Variants in ATP7A observed in about 807,000 individuals in gnomAD.
The protein encoded by ATP7A is copper-transporting ATPase 1.
ATP7A carries 7 observed loss-of-function variants against 83.5 expected under a neutral mutation model. That is an observed-to-expected ratio of 0.08 (90% CI 0.05 to 0.16). The LOEUF (loss-of-function observed/expected upper bound fraction) is 0.16, where lower values mean the gene tolerates loss of function less well. ATP7A is among the 10% of genes least tolerant of loss of function. ATP7A has a pLI of 1.00. For missense variants in ATP7A, 940 were observed against 1,120.8 expected (o/e 0.84, Z 2.30); for synonymous variants, 354 against 395.2 (o/e 0.90, Z 1.24).
At chrX:78,007,674 T>G (rs1557233895) in intron 6 of ATP7A, among the ~76,000 whole-genome samples, 2 of 112,532 alleles carry the variant, frequency 1.8e-5, no homozygotes, top group Non-Finnish European at 3.8e-5. Context: ...TACTGAGTTG[T>G]AAGAATTCTT....
chrX:77,938,500 A>G (rs1362598349), intron 1 of ATP7A, among the ~76,000 whole-genome samples: 1 of 112,476 alleles, frequency 8.9e-6, no homozygotes, highest in Non-Finnish European at 1.9e-5. Context: ...CTTCATAACC[A>G]TCAGATGCCA....
chrX:77,950,482 C>A (rs1195132253), intron 1 of ATP7A, among the ~76,000 whole-genome samples: 2 of 111,338 alleles, frequency 1.8e-5, no homozygotes, highest in Non-Finnish European at 3.8e-5. Flanking sequence ...AGATCGTTTC[C>A]AGTTTTGTTC....
At chrX:77,978,623 A>G (rs903408213) in intron 2 of ATP7A, among the ~76,000 whole-genome samples, 13 of 111,496 alleles carry the variant, frequency 1.2e-4, no homozygotes, top group Admixed American at 5.7e-4. Flanking sequence ...AAAAATTTTT[A>G]TCTAGAGAAA....
chrX:77,921,005 A>G (rs1262708011), intron 1 of ATP7A, among the ~76,000 whole-genome samples: 1 of 112,215 alleles, frequency 8.9e-6, no homozygotes. Flanking sequence ...TATTTTACCT[A>G]GCATAATGTC....
chrX:77,944,595 A>T (rs1421524376), intron 1 of ATP7A, among the ~76,000 whole-genome samples: 1 of 109,500 alleles, frequency 9.1e-6, no homozygotes, highest in Non-Finnish European at 1.9e-5. Flanking sequence ...CCACGCTCAG[A>T]TAATTTTTTT....
At chrX:78,016,176 G>A (rs1342455728) in intron 12 of ATP7A, among the ~76,000 whole-genome samples, 1 of 111,218 alleles carries the variant, frequency 9.0e-6, no homozygotes, top group Non-Finnish European at 1.9e-5. Flanking sequence ...TAATCATGGT[G>A]GAGGAGAAGG....
rs2078062636 is a variant in ATP7A at position 78,043,424 on chromosome X, C to T, written c.4113C>T (p.Pro1371=). ...TAATTTATAATCTGGTTGGAATTCCCATAGCTGCTGGTATGTGACTCTTAA... is the reference window on the plus strand; with the variant it reads ...TAATTTATAATCTGGTTGGAATTCCTATAGCTGCTGGTATGTGACTCTTAA... The part of the protein sequence containing the change: ...FALIYNLVGI[P]IAAGVFMPIG... The change falls in exon 21 of 23, where the codon CCC becomes CCT. Residue 1371 remains proline (P), a synonymous_variant. Coordinates refer to ENST00000341514, the MANE Select transcript of ATP7A (RefSeq NM_000052.7). 8.3e-7 allele frequency: 1 copy of T among 1,198,145 alleles called. No individual in the cohort carries two copies. Among genetic ancestry groups the T allele is most frequent in the Non-Finnish European group, 1.1e-6 (1 of 883,575 alleles).
rs1557231745 is a variant in ATP7A at position 77,989,287 on chromosome X, T to G, written c.665T>G (p.Val222Gly). ...GTTTATCAACCTCATCTTATCTCAG[T>G]AGAGGAAATGAAAAAGCAGATTGAA... ...TIVYQPHLISVEEMKKQIEAM... is the reference protein window; with the variant it reads ...TIVYQPHLISGEEMKKQIEAM... Residue 222 changes from valine (V) to glycine (G), a missense_variant, in exon 4 of 23, where the codon GTA becomes GGA. By Grantham distance (109) the Val-to-Gly change is moderately radical (BLOSUM62 -3). This residue lies in a region of ATP7A where 350 missense variants were observed against 432.8 expected (regional missense o/e 0.81). Transcript: ENST00000341514. 1 of 1,208,267 alleles carries G rather than the reference T, an allele frequency of 8.3e-7. No homozygotes were observed. Among genetic ancestry groups the G allele is most frequent in the East Asian group, 3.0e-5 (1 of 33,771 alleles).
At chrX:77,999,907 C>CAAA (rs781857498) in intron 5 of ATP7A, among the ~76,000 whole-genome samples, 4 of 44,653 alleles carry the variant, frequency 9.0e-5, no homozygotes, top group East Asian at 8.1e-4. Context: ...GACTCCATCT[C>CAAA]AAAAAAAAAA....
intron 1 of ATP7A, among the ~76,000 whole-genome samples, chrX:77,943,094 G>A (rs782042196): frequency 1.8e-5 from 2 of 112,246 alleles, no homozygotes; most frequent in East Asian, 5.6e-4. Context: ...TGGGATTACA[G>A]GCATGAGTCA....
At position 77,989,464 on chromosome X, in the gene ATP7A, T is replaced by C; in HGVS notation, c.842T>C (p.Phe281Ser). 2 of 1,211,923 alleles carry C rather than the reference T, an allele frequency of 1.7e-6. No individual in the cohort carries two copies. The highest frequency in any genetic ancestry group is 2.2e-6 in the Non-Finnish European group (2 of 895,436). Reference sequence around the variant, plus strand: ...TATACCAATGATTCAACAGCCACTTTCATCATTGATGGCATGCATTGTAAA... The same window carrying C: ...TATACCAATGATTCAACAGCCACTTCCATCATTGATGGCATGCATTGTAAA... ...PSYTNDSTAT[F>S]IIDGMHCKSC... The change falls in exon 4 of 23, where the codon TTC (phenylalanine) becomes TCC (serine). Residue 281 changes from phenylalanine (F) to serine (S), a missense_variant. Phe to Ser is a radical substitution (Grantham distance 155). Around this residue, in one of 3 missense-constraint regions of ATP7A, gnomAD observed 350 missense variants for 432.8 expected, o/e 0.81. Transcript: ENST00000341514.
intron 1 of ATP7A, among the ~76,000 whole-genome samples, chrX:77,931,114 G>A (rs782153413): frequency 1.0e-3 from 109 of 105,477 alleles, no homozygotes; most frequent in African/African-American, 2.5e-3. Flanking sequence ...CAGCAGATAA[G>A]CAAGTGAACA....
intron 1 of ATP7A, among the ~76,000 whole-genome samples, chrX:77,948,117 A>G (rs868950056): frequency 9.4e-6 from 1 of 106,561 alleles, no homozygotes; most frequent in Non-Finnish European, 1.9e-5. Context: ...TCATTCATTC[A>G]TTCATTCGTT....
intron 1 of ATP7A, chrX:77,962,459 A>G (rs370369254): frequency 3.6e-5 from 8 of 225,201 alleles, no homozygotes; most frequent in Non-Finnish European, 5.0e-5. Flanking sequence ...AAATCCCTCC[A>G]TTCCTTCCTT....
At chrX:78,029,120 T>C (rs1415653205) in intron 14 of ATP7A, 130 bp from the exon 15 acceptor site, 11 of 669,747 alleles carry the variant, frequency 1.6e-5, no homozygotes, top group African/African-American at 2.2e-5. Context: ...AACTAAAAAA[T>C]ATATGTAGGT....
At chrX:78,016,085 C>T (rs889266099) in intron 12 of ATP7A, among the ~76,000 whole-genome samples, 2 of 111,519 alleles carry the variant, frequency 1.8e-5, no homozygotes, top group Admixed American at 9.5e-5. Flanking sequence ...TAAAGAAATA[C>T]CTGAAACTGG....
chrX:78,011,025 G>C (rs2077819394), intron 7 of ATP7A, 151 bp from the exon 8 acceptor site: 1 of 485,091 alleles, frequency 2.1e-6, no homozygotes, highest in South Asian at 3.1e-5. Flanking sequence ...ATGCAATCAA[G>C]AGCAGGAAGC....
intron 1 of ATP7A, among the ~76,000 whole-genome samples, chrX:77,937,115 A>C (rs1194571983): frequency 8.9e-6 from 1 of 112,855 alleles, no homozygotes; most frequent in Non-Finnish European, 1.9e-5. Context: ...AATTAAAACC[A>C]AAATAACAAT....
Position 77,942,450 on chromosome X carries a change from C to CG in ATP7A, c.-21-29163dup, listed in dbSNP as rs565383314. Among the ~76,000 whole-genome samples, 386 of 103,242 alleles carry CG rather than the reference C, an allele frequency of 3.7e-3. 2 individuals are homozygous for CG. The highest frequency in any genetic ancestry group is 5.1e-3 in the Non-Finnish European group (256 of 50,288). 89.7% of individuals were successfully genotyped at this position (103,242 alleles called of 115,157 possible). A position where few individuals can be genotyped will look rare whatever the true frequency, so the allele number is the denominator to read the frequency against. On this transcript the variant is annotated intron_variant, in intron 1 of 22. Transcript: ENST00000341514. ...AGTTTAGGAACTCCTTTTTTTTTTG[C>CG]GGGGGGGGTAGGGGAGCGGACAGCA...
Sources: gnomAD v4.1 joint callset for allele counts (sites outside exome capture counted in the v4.1 genomes callset) on GRCh38, gnomAD v4.1.1 for gene constraint, gnomAD v4.1.1 regional missense constraint, MANE v1.5 for transcripts, NCBI Gene and HGNC (gene_info 2026-07-23, HGNC 2026-07-21) for gene names.